The following CDC123 variants were observed in gnomAD, a reference collection of about 807,000 sequenced individuals.
The protein encoded by CDC123 is translation initiation factor eIF2 assembly protein.
CDC123 carries 37 observed loss-of-function variants against 54.4 expected under a neutral mutation model. That is an observed-to-expected ratio of 0.68 (90% CI 0.52 to 0.89). The LOEUF is 0.89. CDC123 is among the 40% of genes least tolerant of loss of function. CDC123 has a pLI of 0.00. For missense variants in CDC123, 361 were observed against 412.1 expected, an observed-to-expected ratio of 0.88 and a Z score of 1.07; for synonymous variants, 144 against 136.8, an observed-to-expected ratio of 1.05 and a Z score of -0.37.
chr10:12,239,324 G>A (rs572152336), intron 10 of CDC123, among the ~76,000 whole-genome samples: 9 of 152,248 alleles, frequency 5.9e-5, no homozygotes, highest in African/African-American at 1.7e-4. Flanking sequence ...GAGCACTTAC[G>A]TCCTATGTCT....
intron 6 of CDC123, among the ~76,000 whole-genome samples, chr10:12,219,098 C>T (rs970651844): frequency 5.3e-5 from 8 of 152,142 alleles, no homozygotes; most frequent in African/African-American, 1.9e-4. Flanking sequence ...CCATGTCAGA[C>T]TCAAATCCTT....
intron 7 of CDC123, among the ~76,000 whole-genome samples, chr10:12,231,878 C>G (rs1183199993): frequency 6.6e-6 from 1 of 150,850 alleles, no homozygotes; most frequent in African/African-American, 2.5e-5. Flanking sequence ...TACAGTTTTG[C>G]TCTGTTGCCC....
intron 7 of CDC123, among the ~76,000 whole-genome samples, chr10:12,234,499 G>T (rs751185309): frequency 6.6e-6 from 1 of 152,224 alleles, no homozygotes; most frequent in African/African-American, 2.4e-5. Flanking sequence ...GGTTATAGGC[G>T]TGAGCCTCCG....
chr10:12,247,894 C>T (rs1385446715), intron 11 of CDC123: 1 of 152,042 alleles, frequency 6.6e-6, no homozygotes, highest in Admixed American at 6.6e-5. Context: ...GTCCCAGCTA[C>T]TTGGGAGGCT....
chr10:12,250,231 C>T, intron 12 of CDC123, 80 bp from the exon 13 acceptor site: 1 of 814,920 alleles, frequency 1.2e-6, no homozygotes, highest in Admixed American at 2.7e-5. Context: ...TTTGCCAAGA[C>T]CTCTAGAAAA....
intron 12 of CDC123, 59 bp from the exon 13 acceptor site, chr10:12,250,252 T>C: frequency 3.7e-6 from 4 of 1,080,232 alleles, no homozygotes; most frequent in Non-Finnish European, 5.4e-6. Context: ...TTACACCTGC[T>C]GAGCAGATAT....
At chr10:12,202,152 T>C (rs1835448292) in intron 2 of CDC123, among the ~76,000 whole-genome samples, 2 of 152,130 alleles carry the variant, frequency 1.3e-5, no homozygotes, top group South Asian at 2.1e-4. Context: ...TATGATAAAA[T>C]GTATAGGTCT....
chr10:12,248,731 G>T (rs4750193), intron 11 of CDC123, among the ~76,000 whole-genome samples: 2 of 151,392 alleles, frequency 1.3e-5, no homozygotes, highest in Admixed American at 6.6e-5. Context: ...GCTTGAACCT[G>T]GGAGGTGGAG....
At chr10:12,229,064 C>T (rs1040124714) in intron 6 of CDC123, among the ~76,000 whole-genome samples, 4 of 152,156 alleles carry the variant, frequency 2.6e-5, no homozygotes, top group Admixed American at 6.5e-5. Flanking sequence ...TCCGCCTCTA[C>T]GCTTCTCCTT....
intron 7 of CDC123, among the ~76,000 whole-genome samples, chr10:12,232,854 G>A (rs1242027303): frequency 6.6e-6 from 1 of 151,322 alleles, no homozygotes; most frequent in South Asian, 2.1e-4. Flanking sequence ...CGCCATCTCC[G>A]GTTCACGCCA....
intron 10 of CDC123, among the ~76,000 whole-genome samples, chr10:12,240,610 AC>A (rs1836044111): frequency 6.6e-6 from 1 of 152,212 alleles, no homozygotes; most frequent in Non-Finnish European, 1.5e-5. Context: ...GTTGTGGCTC[AC>A]GCCTGTATTT....
chr10:12,236,889 TCAAAACAAAACAAAACAAAA>T (rs112365247), intron 8 of CDC123, among the ~76,000 whole-genome samples: 14 of 150,302 alleles, frequency 9.3e-5, no homozygotes, highest in Admixed American at 6.7e-4. Flanking sequence ...AGACTCCGTC[TCAAAACAAAACAAAACAAAA>T]CAAAACAAAA....
At chr10:12,200,515 C>T (rs1026374846) in intron 2 of CDC123, among the ~76,000 whole-genome samples, 1 of 152,088 alleles carries the variant, frequency 6.6e-6, no homozygotes, top group Non-Finnish European at 1.5e-5. Context: ...AGTAAAATAG[C>T]TTTTAATATT....
chr10:12,229,117 C>T (rs895304456), intron 6 of CDC123, among the ~76,000 whole-genome samples: 5 of 152,112 alleles, frequency 3.3e-5, no homozygotes, highest in South Asian at 2.1e-4. Context: ...CTCATCTCCC[C>T]GAGGCTATTG....
chr10:12,206,124 T>A (rs1256626761), intron 2 of CDC123, among the ~76,000 whole-genome samples: 1 of 152,234 alleles, frequency 6.6e-6, no homozygotes. Flanking sequence ...TTATACATTG[T>A]CACCTTTTAC....
chr10:12,223,004 G>A (rs1177878863), intron 6 of CDC123, among the ~76,000 whole-genome samples: 1 of 151,904 alleles, frequency 6.6e-6, no homozygotes, highest in South Asian at 2.1e-4. Context: ...CCATTCTCCT[G>A]CCTCAGCCTC....
rs1301585612 is a variant in CDC123 at position 12,228,821 on chromosome 10, CG to C, written c.441-2125del. 3.3e-5 allele frequency among the ~76,000 whole-genome samples: 5 copies of C among 152,336 alleles called. No homozygotes were observed. In the East Asian group the frequency reaches 9.7e-4, roughly 29 times the overall value. On this transcript the variant is annotated intron_variant, in intron 6 of 12. Coordinates refer to ENST00000281141, the MANE Select transcript of CDC123 (RefSeq NM_006023.3). ...CCAACCTCAGGTGATCTGCCCGCCT[CG>C]GCCTCCCAAAGTGCTGGGATTATAG...
intron 3 of CDC123, 45 bp downstream of exon 3, chr10:12,210,069 TA>T: frequency 3.1e-6 from 5 of 1,588,468 alleles, no homozygotes; most frequent in Non-Finnish European, 4.3e-6. Context: ...TGTTGTAATT[TA>T]AATGATCTCT....
chr10:12,216,009 G>C (rs1428704865), intron 5 of CDC123, among the ~76,000 whole-genome samples, 174 bp downstream of exon 5: 1 of 151,976 alleles, frequency 6.6e-6, no homozygotes, highest in Non-Finnish European at 1.5e-5. Context: ...CTATACACTT[G>C]CCTGGGTCTG....
Sources: allele counts gnomAD v4.1 joint callset (sites outside exome capture counted in the v4.1 genomes callset), GRCh38; gene constraint gnomAD v4.1.1; transcripts MANE v1.5; gene names NCBI Gene and HGNC (gene_info 2026-07-23, HGNC 2026-07-21).